Variants in OTOGL observed in about 807,000 individuals in gnomAD.
The protein encoded by OTOGL is otogelin like, also known as otogelin-like protein.
A neutral mutation model predicts 318.5 loss-of-function variants in OTOGL; 285 were observed. The ratio of observed to expected loss-of-function variants is 0.89; its 90% CI spans 0.81 to 0.99. The LOEUF is 0.99. Ranked by LOEUF, OTOGL falls within the 50% of genes least tolerant of loss-of-function variation. OTOGL has a pLI of 0.00. For missense variants in OTOGL, 2,899 were observed against 2,845.6 expected (o/e 1.02, Z -0.43); for synonymous variants, 987 against 936.5 (o/e 1.05, Z -0.99).
chr12:80,176,016 G>A lies in OTOGL; in HGVS notation c.-19-33397G>A, dbSNP rs528850366. ...TAATCACTAACTACTCTTCGTTAAA[G>A]GAGATAAAACCATTTCAGCTATGGA... On this transcript the variant is annotated intron_variant, in intron 1 of 58. Coordinates refer to ENST00000547103, the MANE Select transcript of OTOGL (RefSeq NM_001378609.3). Among the ~76,000 whole-genome samples the A allele has an allele frequency of 2.0e-5, 3 of 152,282 alleles. No individual in the cohort carries two copies. In the East Asian group the frequency reaches 5.8e-4, roughly 29 times the overall value.
chr12:80,315,809 G>C (rs1326249159), intron 32 of OTOGL, among the ~76,000 whole-genome samples: 1 of 152,084 alleles, frequency 6.6e-6, no homozygotes, highest in Non-Finnish European at 1.5e-5. Flanking sequence ...AAATATCTGT[G>C]GTAGTTAAAG....
intron 5 of OTOGL, among the ~76,000 whole-genome samples, chr12:80,217,903 G>A (rs957323634): frequency 3.9e-5 from 6 of 152,158 alleles, no homozygotes; most frequent in Admixed American, 1.3e-4. Flanking sequence ...AGATGTCACT[G>A]GATGTAAGAA....
chr12:80,345,063 T>C (rs1318939062), intron 44 of OTOGL, among the ~76,000 whole-genome samples: 4 of 123,708 alleles, frequency 3.2e-5, no homozygotes, highest in African/African-American at 1.2e-4. Flanking sequence ...TTATATTTTA[T>C]ATATTATAAT....
intron 13 of OTOGL, among the ~76,000 whole-genome samples, chr12:80,252,638 G>T (rs1376492817): frequency 6.6e-6 from 1 of 152,068 alleles, no homozygotes; most frequent in Non-Finnish European, 1.5e-5. Flanking sequence ...GAATGAATCT[G>T]CTATACTGAT....
intron 35 of OTOGL, among the ~76,000 whole-genome samples, chr12:80,326,760 A>G (rs562242487): frequency 4.7e-4 from 71 of 152,340 alleles, no homozygotes; most frequent in African/African-American, 1.1e-3. Flanking sequence ...TAAAAAATCA[A>G]TTGTGAAGGA....
At chr12:80,302,464 C>A (rs558503677) in intron 27 of OTOGL, among the ~76,000 whole-genome samples, 170 bp from the exon 28 acceptor site, 1 of 151,514 alleles carries the variant, frequency 6.6e-6, no homozygotes, top group South Asian at 2.1e-4. Flanking sequence ...TTATGTATTT[C>A]CTATTTTGTG....
At chr12:80,304,178 T>C (rs1442169690) in intron 28 of OTOGL, among the ~76,000 whole-genome samples, 2 of 152,364 alleles carry the variant, frequency 1.3e-5, no homozygotes, top group African/African-American at 4.8e-5. Flanking sequence ...AGTAGTATTC[T>C]GTTGTGTGGA....
chr12:80,244,905 C>T (rs1291376664), intron 11 of OTOGL, among the ~76,000 whole-genome samples: 2 of 147,366 alleles, frequency 1.4e-5, no homozygotes. Context: ...ATTTGCATTT[C>T]TCTGATGGCC....
At chr12:80,153,849 G>A (rs1872945865) in intron 1 of OTOGL, among the ~76,000 whole-genome samples, 1 of 152,028 alleles carries the variant, frequency 6.6e-6, no homozygotes, top group Non-Finnish European at 1.5e-5. Context: ...TTAGTAATAT[G>A]CATTTAAATT....
At chr12:80,151,241 G>A (rs1016215400) in intron 1 of OTOGL, among the ~76,000 whole-genome samples, 3 of 152,112 alleles carry the variant, frequency 2.0e-5, no homozygotes, top group Non-Finnish European at 2.9e-5. Context: ...ATAAGATTTA[G>A]GATAGGAAGC....
chr12:80,164,835 TTA>T (rs2137201661), intron 1 of OTOGL, among the ~76,000 whole-genome samples: 1 of 152,276 alleles, frequency 6.6e-6, no homozygotes, highest in South Asian at 2.1e-4. Flanking sequence ...GCTTGGTAAT[TTA>T]TAAAGAAAAG....
chr12:80,332,965 T>C, intron 37 of OTOGL, 40 bp from the exon 38 acceptor site: 11 of 1,468,466 alleles, frequency 7.5e-6, no homozygotes, highest in Non-Finnish European at 8.4e-6. Flanking sequence ...GCAAGATAAA[T>C]GCATTCCACT....
At chr12:80,162,487 T>TA (rs35845637) in intron 1 of OTOGL, among the ~76,000 whole-genome samples, 3 of 151,800 alleles carry the variant, frequency 2.0e-5, no homozygotes, top group South Asian at 2.1e-4. Flanking sequence ...TGAGTGACTT[T>TA]AAAAAAAACA....
rs781325663 is a variant in OTOGL at position 80,267,319 on chromosome 12, G to A, written c.2457G>A (p.Ser819=). Reference sequence around the variant, plus strand: ...CTGGAGAGCTCATCCCCACACCCTCGGGCTTATGGTAGGTTTCAATGATGG... The same window carrying A: ...CTGGAGAGCTCATCCCCACACCCTCAGGCTTATGGTAGGTTTCAATGATGG... The part of the protein sequence containing the change: ...YQPGELIPTP[S]GLCQCSNGTV... Residue 819 remains serine (S), a synonymous_variant, in exon 22 of 59, where the codon TCG becomes TCA. Transcript: ENST00000547103. 2 of 1,516,362 alleles carry A rather than the reference G, an allele frequency of 1.3e-6. No homozygotes were observed. Among genetic ancestry groups the A allele is most frequent in the Non-Finnish European group, 9.0e-7 (1 of 1,108,320 alleles). The allele number at this position is 1,516,362 out of a possible 1,614,324, so 93.9% of individuals were successfully genotyped here. A position where few individuals can be genotyped will look rare whatever the true frequency, so the allele number is the denominator to read the frequency against.
chr12:80,192,456 C>T (rs1013697493), intron 1 of OTOGL, among the ~76,000 whole-genome samples: 2 of 152,208 alleles, frequency 1.3e-5, no homozygotes, highest in South Asian at 4.1e-4. Flanking sequence ...TGTGATCTGA[C>T]TTTCTCACAG....
intron 12 of OTOGL, 41 bp from the exon 13 acceptor site, chr12:80,252,035 C>A: frequency 6.9e-7 from 1 of 1,454,914 alleles, no homozygotes; most frequent in South Asian, 1.5e-5. Flanking sequence ...GAAATAGAGG[C>A]TAATAAAATT....
intron 1 of OTOGL, among the ~76,000 whole-genome samples, chr12:80,174,760 A>G (rs977953206): frequency 5.3e-5 from 8 of 152,154 alleles, no homozygotes; most frequent in Non-Finnish European, 8.8e-5. Context: ...AGTGAGCAGA[A>G]GAAAAGGCAC....
chr12:80,222,671 G>T (rs1878461718), intron 7 of OTOGL, among the ~76,000 whole-genome samples: 1 of 152,114 alleles, frequency 6.6e-6, no homozygotes, highest in African/African-American at 2.4e-5. Context: ...CTTCAGAGTG[G>T]CTCTAGTTGA....
chr12:80,311,227 A>G (rs540084568), intron 30 of OTOGL, among the ~76,000 whole-genome samples: 25 of 152,356 alleles, frequency 1.6e-4, no homozygotes, highest in African/African-American at 6.0e-4. Flanking sequence ...CAATATTTCA[A>G]TGTATTGGTA....
Sources: allele counts gnomAD v4.1 joint callset (sites outside exome capture counted in the v4.1 genomes callset), GRCh38; gene constraint gnomAD v4.1.1; transcripts MANE v1.5; gene names NCBI Gene and HGNC (gene_info 2026-07-23, HGNC 2026-07-21).